Variants in ELMO1 observed in about 807,000 individuals in gnomAD.
ELMO1 encodes the protein engulfment and cell motility 1.
In ELMO1, 26 loss-of-function variants were observed where a neutral mutation model predicts 98.9. That is an observed-to-expected ratio of 0.26 (90% CI 0.19 to 0.36). The LOEUF (loss-of-function observed/expected upper bound fraction) is 0.36. Among genes scored for constraint, ELMO1 ranks in the 10% least tolerant of loss-of-function variants. The probability of loss-of-function intolerance (pLI) is 1.00; values close to 1 mark genes in which losing one functional copy is unlikely to be tolerated. For missense variants in ELMO1, 627 were observed against 935.2 expected (o/e 0.67, Z 4.30); for synonymous variants, 346 against 346.0 (o/e 1.00, Z 0.00).
At chr7:37,215,131 G>T (rs1022221971) in intron 11 of ELMO1, among the ~76,000 whole-genome samples, 12 of 152,314 alleles carry the variant, frequency 7.9e-5, no homozygotes, top group African/African-American at 2.9e-4. Flanking sequence ...CAGTTCCAGA[G>T]GGAAAAGGTT....
At position 37,106,162 on chromosome 7, in the gene ELMO1, T is replaced by C. The variant is rs543756718; in HGVS notation, c.1192-9435A>G. ...CTGCATTTTACAGATGAGGAAGCCA[T>C]GCCTTAGAGCTTAAACAAGTTGCGT... On this transcript the variant is annotated intron_variant, in intron 14 of 21. Transcript: ENST00000310758. Among the ~76,000 whole-genome samples, 419 of 152,322 alleles carry C rather than the reference T, an allele frequency of 2.8e-3. 5 individuals are homozygous for C. Among genetic ancestry groups the C allele is most frequent in the South Asian group, 0.027 (129 of 4,826 alleles).
At chr7:36,902,011 T>C (rs1372563893) in intron 16 of ELMO1, among the ~76,000 whole-genome samples, 1 of 152,218 alleles carries the variant, frequency 6.6e-6, no homozygotes, top group East Asian at 1.9e-4. Context: ...TGCTCTGGCC[T>C]GTCCTTGCTC....
chr7:36,958,097 T>C (rs975744871), intron 16 of ELMO1, among the ~76,000 whole-genome samples: 2 of 152,198 alleles, frequency 1.3e-5, no homozygotes, highest in African/African-American at 2.4e-5. Flanking sequence ...ATTGCCACCT[T>C]TTCCTTGTCC....
chr7:37,130,965 G>A (rs1358373398), intron 14 of ELMO1, among the ~76,000 whole-genome samples: 1 of 152,032 alleles, frequency 6.6e-6, no homozygotes, highest in African/African-American at 2.4e-5. Flanking sequence ...TGAAAAGATT[G>A]AGCCCATCTT....
chr7:37,008,784 C>T (rs960212810), intron 16 of ELMO1, among the ~76,000 whole-genome samples: 1 of 152,162 alleles, frequency 6.6e-6, no homozygotes, highest in Non-Finnish European at 1.5e-5. Flanking sequence ...CCTACTCCAT[C>T]AATGCACGAA....
At chr7:37,119,364 A>C (rs778174205) in intron 14 of ELMO1, among the ~76,000 whole-genome samples, 6 of 152,244 alleles carry the variant, frequency 3.9e-5, no homozygotes, top group Non-Finnish European at 7.3e-5. Flanking sequence ...CTCAGAACAT[A>C]GTAAAGGCTC....
intron 1 of ELMO1, among the ~76,000 whole-genome samples, chr7:37,363,631 G>A (rs547119601): frequency 1.3e-5 from 2 of 152,046 alleles, no homozygotes; most frequent in East Asian, 1.9e-4. Context: ...CCCTTTCTAC[G>A]CCCAGCTACT....
chr7:37,214,513 A>C (rs1382898178), intron 11 of ELMO1, among the ~76,000 whole-genome samples: 2 of 151,804 alleles, frequency 1.3e-5, no homozygotes, highest in Non-Finnish European at 2.9e-5. Flanking sequence ...TCAACCTGAC[A>C]TCCACCTGCA....
intron 16 of ELMO1, among the ~76,000 whole-genome samples, chr7:37,000,303 T>G (rs1469751234): frequency 6.6e-6 from 1 of 152,200 alleles, no homozygotes; most frequent in Non-Finnish European, 1.5e-5. Flanking sequence ...AAAATGGAAA[T>G]CTGGCATTAT....
intron 10 of ELMO1, 97 bp from the exon 11 acceptor site, chr7:37,216,792 T>C: frequency 8.4e-7 from 1 of 1,189,742 alleles, no homozygotes; most frequent in Non-Finnish European, 1.3e-6. Flanking sequence ...GCTTCGTAAC[T>C]GTATATCAGC....
At chr7:37,070,385 T>C (rs374004692) in intron 15 of ELMO1, among the ~76,000 whole-genome samples, 3 of 152,238 alleles carry the variant, frequency 2.0e-5, no homozygotes, top group African/African-American at 7.2e-5. Context: ...AATCCTCTTG[T>C]ATTCTTTCTT....
chr7:37,317,494 A>G (rs1799248331), intron 2 of ELMO1, among the ~76,000 whole-genome samples: 1 of 152,252 alleles, frequency 6.6e-6, no homozygotes, highest in Non-Finnish European at 1.5e-5. Flanking sequence ...TCAGCCATAA[A>G]AAGAATGAGA....
At chr7:37,015,000 C>A (rs1286535372) in intron 15 of ELMO1, among the ~76,000 whole-genome samples, 1 of 152,200 alleles carries the variant, frequency 6.6e-6, no homozygotes, top group Non-Finnish European at 1.5e-5. Context: ...AGCTATTACA[C>A]ACCAACCTCT....
chr7:37,399,579 C>T (rs1488096367), intron 1 of ELMO1, among the ~76,000 whole-genome samples: 1 of 152,212 alleles, frequency 6.6e-6, no homozygotes, highest in Non-Finnish European at 1.5e-5. Flanking sequence ...CAGAACCTTT[C>T]ATCTTATTCT....
chr7:37,261,225 T>C (rs575817178), intron 5 of ELMO1, among the ~76,000 whole-genome samples: 3 of 152,358 alleles, frequency 2.0e-5, no homozygotes, highest in African/African-American at 7.2e-5. Flanking sequence ...GTAGGTCCTA[T>C]CATAGGCTTT....
At chr7:36,912,025 C>T (rs1466895329) in intron 16 of ELMO1, among the ~76,000 whole-genome samples, 1 of 152,244 alleles carries the variant, frequency 6.6e-6, no homozygotes, top group East Asian at 1.9e-4. Flanking sequence ...AGAGAATGTA[C>T]GTCAGCTAAA....
At chr7:36,913,221 G>T (rs1361604263) in intron 16 of ELMO1, among the ~76,000 whole-genome samples, 2 of 152,140 alleles carry the variant, frequency 1.3e-5, no homozygotes, top group Admixed American at 1.3e-4. Flanking sequence ...CTAGTATGTG[G>T]CAAGTACCCA....
chr7:37,433,475 C>T (rs2131569832), intron 1 of ELMO1, among the ~76,000 whole-genome samples: 1 of 152,280 alleles, frequency 6.6e-6, no homozygotes, highest in African/African-American at 2.4e-5. Flanking sequence ...CCAGGCACTT[C>T]ACTCACAAAG....
chr7:37,361,951 C>G (rs370230456), intron 1 of ELMO1, among the ~76,000 whole-genome samples: 10 of 152,200 alleles, frequency 6.6e-5, no homozygotes, highest in African/African-American at 2.4e-4. Context: ...GACAGAGACC[C>G]AGTCACACAC....
Sources: gnomAD v4.1 joint callset for allele counts (sites outside exome capture counted in the v4.1 genomes callset) on GRCh38, gnomAD v4.1.1 for gene constraint, MANE v1.5 for transcripts, NCBI Gene and HGNC (gene_info 2026-07-23, HGNC 2026-07-21) for gene names.